Variants in ZNF385B observed in about 807,000 individuals in gnomAD.
The protein encoded by ZNF385B is zinc finger protein 533.
Under a neutral mutation model 39.2 loss-of-function variants are expected in ZNF385B, and 23 were observed. The ratio of observed to expected loss-of-function variants is 0.59; its 90% CI spans 0.42 to 0.83. The LOEUF (loss-of-function observed/expected upper bound fraction) is 0.83, where lower values mean the gene tolerates loss of function less well. Among genes scored for constraint, ZNF385B ranks in the 40% least tolerant of loss-of-function variants. The pLI, the probability that ZNF385B is intolerant of heterozygous loss-of-function variation, is 0.00. For missense variants in ZNF385B, 552 were observed against 598.9 expected (o/e 0.92, Z 0.82); for synonymous variants, 205 against 222.6 (o/e 0.92, Z 0.70).
intron 3 of ZNF385B, among the ~76,000 whole-genome samples, chr2:179,571,312 G>A (rs1323036445): frequency 6.6e-6 from 1 of 152,204 alleles, no homozygotes; most frequent in Non-Finnish European, 1.5e-5. Context: ...AATAACAGCT[G>A]TAAAAATAAT....
At chr2:179,532,604 A>G (rs1296788620) in intron 4 of ZNF385B, among the ~76,000 whole-genome samples, 1 of 152,240 alleles carries the variant, frequency 6.6e-6, no homozygotes, top group Non-Finnish European at 1.5e-5. Context: ...AATTCAGTCT[A>G]GCAGGATGCT....
At position 179,446,695 on chromosome 2, in the gene ZNF385B, G is replaced by C. The variant is rs763544764; in HGVS notation, c.791C>G (p.Ser264Cys). The change falls in exon 7 of 10, where the codon TCT becomes TGT. Residue 264 changes from serine (S) to cysteine (C), a missense_variant. Transcript: ENST00000410066. ...TCCAGGTGGCAGGGGTGTTGTGCCAGATTTGAGGAGAAATGAGCCACTTTC... is the reference window on the plus strand; with the variant it reads ...TCCAGGTGGCAGGGGTGTTGTGCCACATTTGAGGAGAAATGAGCCACTTTC... ...SSESGSFLLK[S>C]GTTPLPPGAA... 6.8e-6 allele frequency: 11 copies of C among 1,614,124 alleles called. No homozygotes were observed. Among genetic ancestry groups the C allele is most frequent in the South Asian group, 6.6e-5 (6 of 91,074 alleles).
intron 3 of ZNF385B, among the ~76,000 whole-genome samples, chr2:179,761,810 G>A (rs1374158462): frequency 6.9e-6 from 1 of 143,926 alleles, no homozygotes; most frequent in Non-Finnish European, 1.5e-5. Context: ...GTGTTGCCCA[G>A]GCTGGTCTTG....
chr2:179,657,923 A>T (rs1350406258), intron 3 of ZNF385B, among the ~76,000 whole-genome samples: 3 of 152,216 alleles, frequency 2.0e-5, no homozygotes, highest in African/African-American at 7.2e-5. Flanking sequence ...TTGAACTCCC[A>T]TCATCTCAAG....
intron 4 of ZNF385B, among the ~76,000 whole-genome samples, chr2:179,521,022 T>C (rs1334751307): frequency 6.6e-6 from 1 of 152,206 alleles, no homozygotes; most frequent in Non-Finnish European, 1.5e-5. Context: ...AGACAAAAGA[T>C]ACATTTACGA....
chr2:179,492,603 T>A (rs1252867986), intron 5 of ZNF385B, among the ~76,000 whole-genome samples: 1 of 152,178 alleles, frequency 6.6e-6, no homozygotes, highest in Non-Finnish European at 1.5e-5. Context: ...AGTTCAATGC[T>A]CAGAGAATTG....
intron 3 of ZNF385B, among the ~76,000 whole-genome samples, chr2:179,757,097 T>C (rs561334612): frequency 1.3e-5 from 2 of 152,350 alleles, no homozygotes; most frequent in East Asian, 3.9e-4. Flanking sequence ...TGTGGTTTTA[T>C]CTACCTTTGG....
intron 3 of ZNF385B, among the ~76,000 whole-genome samples, chr2:179,643,131 G>GT (rs59495753): frequency 0.82 from 123,246 of 150,426 alleles, 50,901 homozygotes; most frequent in East Asian, 0.93. Flanking sequence ...AACTATTTTT[G>GT]TTTTTTTTTG....
Position 179,769,743 on chromosome 2 carries a change from T to C in ZNF385B, c.58A>G (p.Asn20Asp), listed in dbSNP as rs368225136. The C allele has an allele frequency of 2.0e-5, 32 of 1,614,118 alleles. 1 individual carries two copies. The African/African-American group carries it at 4.0e-4, about 20-fold the overall frequency. Residue 20 changes from asparagine to aspartate, a missense_variant, in exon 3 of 10, where the codon AAT (asparagine) becomes GAT (aspartate). Coordinates refer to ENST00000410066, the MANE Select transcript of ZNF385B (RefSeq NM_152520.6). Reference protein sequence around the residue: ...HLEDGIMNMANFLRGFEEKGI... With the variant: ...HLEDGIMNMADFLRGFEEKGI... Reference sequence around the variant, plus strand: ...TTTTCTTCAAAGCCCCGTAGAAAATTTGCCATATTCATGATTCCATCTTCA... The same window carrying C: ...TTTTCTTCAAAGCCCCGTAGAAAATCTGCCATATTCATGATTCCATCTTCA...
chr2:179,861,227 G>T lies in ZNF385B; in HGVS notation c.-281C>A. ...GGGCTTCGCGCAGACGTTCTCCCGC[G>T]ATCTGCTGCAGCCCAGGCGGTGGCG... On this transcript the variant is annotated 5_prime_UTR_variant, in exon 1 of 10. Coordinates refer to ENST00000410066, the MANE Select transcript of ZNF385B (RefSeq NM_152520.6). The T allele has an allele frequency of 6.5e-6, 1 of 154,804 alleles. No individual in the cohort carries two copies. Among genetic ancestry groups the T allele is most frequent in the South Asian group, 1.8e-4 (1 of 5,524 alleles). 9.6% of individuals were successfully genotyped at this position (154,804 alleles called of 1,614,324 possible).
At chr2:179,856,413 C>T (rs1023385478) in intron 1 of ZNF385B, among the ~76,000 whole-genome samples, 2 of 151,916 alleles carry the variant, frequency 1.3e-5, no homozygotes, top group Non-Finnish European at 2.9e-5. Flanking sequence ...AGGAAGTAAC[C>T]CACGCCCTTC....
chr2:179,741,345 C>A (rs1021985938), intron 3 of ZNF385B, among the ~76,000 whole-genome samples: 4 of 151,852 alleles, frequency 2.6e-5, no homozygotes, highest in Admixed American at 6.6e-5. Flanking sequence ...ACACTGATGT[C>A]TAGTTTTGAC....
intron 3 of ZNF385B, among the ~76,000 whole-genome samples, chr2:179,594,398 A>G (rs1413162847): frequency 1.3e-5 from 2 of 152,328 alleles, no homozygotes; most frequent in East Asian, 3.9e-4. Context: ...TGGTCAACTC[A>G]TCATCATACA....
chr2:179,815,103 G>A (rs1706980323), intron 1 of ZNF385B, among the ~76,000 whole-genome samples: 1 of 152,172 alleles, frequency 6.6e-6, no homozygotes, highest in South Asian at 2.1e-4. Flanking sequence ...TTCAAAACGG[G>A]AAGAGCTATG....
At chr2:179,518,145 A>G (rs1188843727) in intron 5 of ZNF385B, among the ~76,000 whole-genome samples, 2 of 152,210 alleles carry the variant, frequency 1.3e-5, no homozygotes, top group Non-Finnish European at 2.9e-5. Context: ...TAATTGTAAA[A>G]TGGTATAGTT....
intron 3 of ZNF385B, among the ~76,000 whole-genome samples, chr2:179,588,141 T>A (rs1228659749): frequency 2.0e-4 from 31 of 151,988 alleles, no homozygotes; most frequent in Non-Finnish European, 1.5e-5. Flanking sequence ...CAGGCTGGAG[T>A]GCAGTGGCAC....
At chr2:179,691,154 C>T (rs1241176260) in intron 3 of ZNF385B, among the ~76,000 whole-genome samples, 1 of 152,128 alleles carries the variant, frequency 6.6e-6, no homozygotes, top group Non-Finnish European at 1.5e-5. Flanking sequence ...CATCTTAAAT[C>T]CTTAGGTTAT....
intron 4 of ZNF385B, among the ~76,000 whole-genome samples, chr2:179,521,650 C>T (rs1273093374): frequency 6.6e-6 from 1 of 152,124 alleles, no homozygotes; most frequent in African/African-American, 2.4e-5. Context: ...TTCCATCCAT[C>T]TGCTCTCTAA....
chr2:179,637,188 T>C (rs1048724640), intron 3 of ZNF385B: 1 of 152,176 alleles, frequency 6.6e-6, no homozygotes, highest in African/African-American at 2.4e-5. Flanking sequence ...AGAGCTATTA[T>C]TAGATATAAT....
Sources: allele counts gnomAD v4.1 joint callset (sites outside exome capture counted in the v4.1 genomes callset), GRCh38; gene constraint gnomAD v4.1.1; transcripts MANE v1.5; gene names NCBI Gene and HGNC (gene_info 2026-07-23, HGNC 2026-07-21).